KCTD8: variants seen among roughly 807,000 people sequenced by gnomAD.
The protein encoded by KCTD8 is potassium channel tetramerization domain containing 8, also known as BTB/POZ domain-containing protein KCTD8.
KCTD8 carries 27 observed loss-of-function variants against 31.5 expected under a neutral mutation model. The observed-to-expected ratio is 0.86, with a 90% confidence interval of 0.63 to 1.18. The LOEUF is 1.18. KCTD8 is among the 50% of genes most tolerant of loss of function. The pLI is 0.00. For synonymous variants in KCTD8, 290 were observed against 280.0 expected (o/e 1.04, Z -0.36); for missense variants, 658 against 647.7 (o/e 1.02, Z -0.17).
intron 1 of KCTD8, among the ~76,000 whole-genome samples, chr4:44,245,887 A>C (rs1395234008): frequency 2.0e-5 from 3 of 152,162 alleles, no homozygotes; most frequent in African/African-American, 2.4e-5. Context: ...TCAGAACAAA[A>C]TATACCACCT....
At chr4:44,240,620 C>G (rs748864016) in intron 1 of KCTD8, among the ~76,000 whole-genome samples, 2 of 152,174 alleles carry the variant, frequency 1.3e-5, no homozygotes, top group Non-Finnish European at 2.9e-5. Flanking sequence ...ACGACAGGTT[C>G]AAGTCACCAT....
chr4:44,443,343 G>T (rs1158242580), intron 1 of KCTD8, among the ~76,000 whole-genome samples: 1 of 152,158 alleles, frequency 6.6e-6, no homozygotes, highest in Non-Finnish European at 1.5e-5. Flanking sequence ...CAATTTTAAT[G>T]GTATTCACCT....
chr4:44,403,924 T>C (rs1720725012), intron 1 of KCTD8, among the ~76,000 whole-genome samples: 1 of 152,234 alleles, frequency 6.6e-6, no homozygotes, highest in African/African-American at 2.4e-5. Context: ...TTTTTCATTA[T>C]TTTTAATTTG....
chr4:44,350,575 C>T (rs1347391598), intron 1 of KCTD8, among the ~76,000 whole-genome samples: 1 of 152,066 alleles, frequency 6.6e-6, no homozygotes, highest in African/African-American at 2.4e-5. Context: ...CATCAGTTGG[C>T]AATATGCAAG....
chr4:44,329,466 C>T (rs919947722), intron 1 of KCTD8, among the ~76,000 whole-genome samples: 2 of 151,672 alleles, frequency 1.3e-5, no homozygotes, highest in Non-Finnish European at 2.9e-5. Flanking sequence ...TTTAAAGGGT[C>T]CCTCTGTAAG....
rs1370713887 is a variant in KCTD8, at chr4:44,411,800, G to A, written c.961+35763C>T. 3.9e-5 allele frequency among the ~76,000 whole-genome samples: 6 copies of A among 152,154 alleles called. No homozygotes were observed. The East Asian group carries it at 1.2e-3, about 30-fold the overall frequency. On this transcript the variant is annotated intron_variant, in intron 1 of 1. Transcript: ENST00000360029. The stretch of plus-strand genomic sequence containing the variant: ...AGGGATCGGAGTGCTGCAGCTGCAA[G>A]CCAAGGAATGCCAAGGATTGACAGC...
chr4:44,298,238 A>G (rs1717496060), intron 1 of KCTD8, among the ~76,000 whole-genome samples: 1 of 152,160 alleles, frequency 6.6e-6, no homozygotes. Flanking sequence ...AGACATACTG[A>G]GGCTCAGACC....
intron 1 of KCTD8, among the ~76,000 whole-genome samples, chr4:44,273,164 AT>A (rs1716660131): frequency 6.6e-6 from 1 of 152,060 alleles, no homozygotes; most frequent in Non-Finnish European, 1.5e-5. Flanking sequence ...AGTAAAAAAA[AT>A]CAAACATTGA....
chr4:44,200,484 G>A (rs1714107621), intron 1 of KCTD8, among the ~76,000 whole-genome samples: 1 of 152,042 alleles, frequency 6.6e-6, no homozygotes, highest in Admixed American at 6.6e-5. Context: ...TTATCTCCGG[G>A]ATGCAAGAGT....
chr4:44,393,498 G>C (rs976123018), intron 1 of KCTD8, among the ~76,000 whole-genome samples: 1 of 148,730 alleles, frequency 6.7e-6, no homozygotes, highest in African/African-American at 2.5e-5. Flanking sequence ...TTTCCAAACA[G>C]AACAACTATG....
intron 1 of KCTD8, among the ~76,000 whole-genome samples, chr4:44,342,306 T>C (rs1482160885): frequency 6.7e-6 from 1 of 149,178 alleles, no homozygotes; most frequent in African/African-American, 2.5e-5. Context: ...GAGGCGGAGA[T>C]TGCAGTGAGC....
intron 1 of KCTD8, among the ~76,000 whole-genome samples, chr4:44,259,175 C>G (rs1446887015): frequency 6.6e-6 from 1 of 151,778 alleles, no homozygotes; most frequent in Non-Finnish European, 1.5e-5. Flanking sequence ...CAAGCAGTTT[C>G]TTTCCTTTCG....
chr4:44,244,677 A>G (rs1416066545), intron 1 of KCTD8, among the ~76,000 whole-genome samples: 4 of 152,160 alleles, frequency 2.6e-5, no homozygotes, highest in African/African-American at 9.7e-5. Context: ...ATACTAGGTC[A>G]TAACCCTCAT....
At chr4:44,382,324 C>G (rs758312452) in intron 1 of KCTD8, among the ~76,000 whole-genome samples, 1 of 151,944 alleles carries the variant, frequency 6.6e-6, no homozygotes, top group Admixed American at 6.6e-5. Context: ...CAGCTCTCAA[C>G]AAATTAGGTA....
chr4:44,394,014 A>G (rs1407607731), intron 1 of KCTD8, among the ~76,000 whole-genome samples: 1 of 152,066 alleles, frequency 6.6e-6, no homozygotes, highest in Non-Finnish European at 1.5e-5. Flanking sequence ...AAGAGAATAT[A>G]ATATAAGCAT....
intron 1 of KCTD8, among the ~76,000 whole-genome samples, chr4:44,321,171 T>C (rs924681313): frequency 6.6e-6 from 1 of 152,210 alleles, no homozygotes; most frequent in Non-Finnish European, 1.5e-5. Flanking sequence ...ACCTGTTTTG[T>C]TTTTAGTTAC....
intron 1 of KCTD8, among the ~76,000 whole-genome samples, chr4:44,335,392 C>T (rs1718712502): frequency 6.6e-6 from 1 of 151,510 alleles, no homozygotes; most frequent in African/African-American, 2.4e-5. Context: ...AATCTGAACA[C>T]CAAACCCCGA....
chr4:44,345,581 G>T (rs868760452), intron 1 of KCTD8, among the ~76,000 whole-genome samples: 10 of 152,198 alleles, frequency 6.6e-5, no homozygotes, highest in Middle Eastern at 3.4e-3. Context: ...GTGCTGCAGA[G>T]AGCTAGCATA....
At chr4:44,295,618 G>A (rs1284502862) in intron 1 of KCTD8, among the ~76,000 whole-genome samples, 1 of 152,038 alleles carries the variant, frequency 6.6e-6, no homozygotes, top group Non-Finnish European at 1.5e-5. Context: ...ATATGCGTCA[G>A]GCTATTTTGT....
Sources: allele counts gnomAD v4.1 joint callset (sites outside exome capture counted in the v4.1 genomes callset), GRCh38; gene constraint gnomAD v4.1.1; transcripts MANE v1.5; gene names NCBI Gene and HGNC (gene_info 2026-07-23, HGNC 2026-07-21).